The following SEMA6D variants were observed in gnomAD, a reference collection of about 807,000 sequenced individuals.
SEMA6D encodes semaphorin-6D.
A neutral mutation model predicts 106.6 loss-of-function variants in SEMA6D; 35 were observed. The ratio of observed to expected loss-of-function variants is 0.33; its 90% CI spans 0.25 to 0.44. The LOEUF is 0.44. Ranked by LOEUF, SEMA6D falls within the 20% of genes least tolerant of loss-of-function variation. The pLI, the probability that SEMA6D is intolerant of heterozygous loss-of-function variation, is 1.00. For synonymous variants in SEMA6D, 499 were observed against 487.7 expected (o/e 1.02, Z -0.31); for missense variants, 1,185 against 1,345.9 (o/e 0.88, Z 1.87).
At chr15:47,632,212 TA>T (rs1251906515) in intron 4 of SEMA6D, among the ~76,000 whole-genome samples, 2 of 152,030 alleles carry the variant, frequency 1.3e-5, no homozygotes, top group Non-Finnish European at 2.9e-5. Context: ...AGGTTTATTT[TA>T]TGGCGCAAGT....
intron 1 of SEMA6D, among the ~76,000 whole-genome samples, chr15:47,322,521 C>T (rs2143727654): frequency 6.6e-6 from 1 of 152,012 alleles, no homozygotes; most frequent in East Asian, 1.9e-4. Flanking sequence ...TGAGGGATAC[C>T]ACAGAAGTAA....
chr15:47,634,785 T>A (rs1280314658), intron 4 of SEMA6D, among the ~76,000 whole-genome samples: 1 of 141,154 alleles, frequency 7.1e-6, no homozygotes. Context: ...GACAGCACCA[T>A]AGTGAGGAAG....
chr15:47,258,790 T>C (rs1475225479), intron 1 of SEMA6D, among the ~76,000 whole-genome samples: 1 of 152,154 alleles, frequency 6.6e-6, no homozygotes, highest in Non-Finnish European at 1.5e-5. Context: ...TTTATTATCA[T>C]ATACATAACA....
intron 13 of SEMA6D, 124 bp downstream of exon 13, chr15:47,765,180 T>C (rs2082273099): frequency 2.1e-6 from 3 of 1,445,968 alleles, no homozygotes; most frequent in Non-Finnish European, 2.7e-6. Flanking sequence ...GTTTTGTGTT[T>C]TTTTTCTCAT....
intron 3 of SEMA6D, among the ~76,000 whole-genome samples, chr15:47,595,228 T>G (rs2076511484): frequency 6.6e-6 from 1 of 152,222 alleles, no homozygotes; most frequent in African/African-American, 2.4e-5. Context: ...TGGCCTTTAT[T>G]GTATTGAGGT....
At chr15:47,428,305 T>C (rs991382469) in intron 2 of SEMA6D, among the ~76,000 whole-genome samples, 4 of 152,090 alleles carry the variant, frequency 2.6e-5, no homozygotes, top group Non-Finnish European at 4.4e-5. Context: ...TACAAGCCCA[T>C]TGTAGGGCTA....
intron 4 of SEMA6D, among the ~76,000 whole-genome samples, chr15:47,674,065 C>G (rs1399369266): frequency 6.6e-6 from 1 of 152,144 alleles, no homozygotes; most frequent in African/African-American, 2.4e-5. Context: ...CACACTGCAG[C>G]CCATGGGACA....
At chr15:47,710,588 A>G (rs907369327) in intron 4 of SEMA6D, among the ~76,000 whole-genome samples, 23 of 152,308 alleles carry the variant, frequency 1.5e-4, no homozygotes, top group Admixed American at 1.4e-3. Context: ...ATACACACGC[A>G]CACACACAAA....
chr15:47,198,557 T>G (rs1402299849), intron 1 of SEMA6D, among the ~76,000 whole-genome samples: 2 of 152,126 alleles, frequency 1.3e-5, no homozygotes, highest in Non-Finnish European at 2.9e-5. Flanking sequence ...CAGCTTGGCC[T>G]CCTCCTCTGC....
At chr15:47,313,970 C>A (rs1257596403) in intron 1 of SEMA6D, among the ~76,000 whole-genome samples, 1 of 152,146 alleles carries the variant, frequency 6.6e-6, no homozygotes, top group Non-Finnish European at 1.5e-5. Flanking sequence ...AATGTGATTG[C>A]TGGTTTGTAT....
intron 4 of SEMA6D, among the ~76,000 whole-genome samples, chr15:47,616,164 C>CTTTTTTTTTTTTTTTTTTTTTTTT (rs56275598): frequency 6.8e-6 from 1 of 146,514 alleles, no homozygotes; most frequent in Non-Finnish European, 1.5e-5. Context: ...GACTTAAAAT[C>CTTTTTTTTTTTTTTTTTTTTTTTT]TTTTTTTTTT....
At chr15:47,412,825 A>C in intron 2 of SEMA6D, among the ~76,000 whole-genome samples, 1 of 152,204 alleles carries the variant, frequency 6.6e-6, no homozygotes. Context: ...GGGGAGAAAG[A>C]AAGGGAAAAT....
chr15:47,327,190 G>A lies in SEMA6D; in HGVS notation c.-238-85203G>A, dbSNP rs1427395791. ...AGGTGACCTTGGTTTAAGTTATTTA[G>A]CCTGTTTTTTTTCTGAAGTTTCTTC... On this transcript the variant is annotated intron_variant, in intron 1 of 19. Transcript: ENST00000558014. Among the ~76,000 whole-genome samples the A allele has an allele frequency of 2.0e-5, 3 of 152,144 alleles. No individual in the cohort carries two copies. The East Asian group carries it at 5.8e-4, about 29-fold the overall frequency.
chr15:47,351,713 A>G (rs1448628351), intron 1 of SEMA6D, among the ~76,000 whole-genome samples: 1 of 152,186 alleles, frequency 6.6e-6, no homozygotes, highest in African/African-American at 2.4e-5. Flanking sequence ...CTTGAGGGCT[A>G]AATTTATGTT....
At chr15:47,753,707 A>G (rs2081569558) in intron 1 of SEMA6D, among the ~76,000 whole-genome samples, 1 of 152,188 alleles carries the variant, frequency 6.6e-6, no homozygotes, top group Non-Finnish European at 1.5e-5. Flanking sequence ...GCTAGAGGAA[A>G]TGACTGGGAA....
chr15:47,348,268 G>A (rs983080866), intron 1 of SEMA6D, among the ~76,000 whole-genome samples: 2 of 152,110 alleles, frequency 1.3e-5, no homozygotes, highest in African/African-American at 4.8e-5. Flanking sequence ...GTTACTAGCA[G>A]TATGACCCTG....
At chr15:47,348,964 C>A (rs2038200162) in intron 1 of SEMA6D, among the ~76,000 whole-genome samples, 1 of 152,026 alleles carries the variant, frequency 6.6e-6, no homozygotes, top group African/African-American at 2.4e-5. Flanking sequence ...TTGTTCTTAG[C>A]CAAGCAGTTG....
intron 3 of SEMA6D, among the ~76,000 whole-genome samples, chr15:47,528,705 C>T (rs1222081333): frequency 6.6e-6 from 1 of 152,148 alleles, no homozygotes; most frequent in Non-Finnish European, 1.5e-5. Flanking sequence ...TCTCATATTG[C>T]ATTAGCCAGA....
chr15:47,535,767 C>T (rs923747976), intron 3 of SEMA6D, among the ~76,000 whole-genome samples: 3 of 151,628 alleles, frequency 2.0e-5, no homozygotes, highest in Non-Finnish European at 2.9e-5. Context: ...ATGAGAGATG[C>T]GGGCAGGGAA....
Sources: allele counts gnomAD v4.1 joint callset (sites outside exome capture counted in the v4.1 genomes callset), GRCh38; gene constraint gnomAD v4.1.1; transcripts MANE v1.5; gene names NCBI Gene and HGNC (gene_info 2026-07-23, HGNC 2026-07-21).